Variants in EFCAB6 observed in about 807,000 individuals in gnomAD.
The protein encoded by EFCAB6 is EF-hand calcium-binding domain-containing protein 6.
Under a neutral mutation model 169.8 loss-of-function variants are expected in EFCAB6, and 156 were observed. That is an observed-to-expected ratio of 0.92 (90% confidence interval 0.81 to 1.05). EFCAB6 has a LOEUF of 1.05. Ranked by LOEUF, EFCAB6 falls within the 50% of genes least tolerant of loss-of-function variation. EFCAB6 has a pLI of 0.00. For synonymous variants in EFCAB6, 698 were observed against 676.4 expected (o/e 1.03, Z -0.50); for missense variants, 1,800 against 1,829.1 (o/e 0.98, Z 0.29).
chr22:43,683,357 G>A (rs117566004), intron 12 of EFCAB6, among the ~76,000 whole-genome samples: 286 of 152,234 alleles, frequency 1.9e-3, no homozygotes, highest in Non-Finnish European at 3.3e-3. Flanking sequence ...CCCCTGTTTT[G>A]GGCAATAAGT....
At chr22:43,716,720 G>A in intron 9 of EFCAB6, 128 bp downstream of exon 9, 1 of 1,131,684 alleles carries the variant, frequency 8.8e-7, no homozygotes, top group Non-Finnish European at 1.2e-6. Context: ...GGGGGTCTCA[G>A]TATTGGAGAA....
rs2057377821 is a variant in EFCAB6 at position 43,669,047 on chromosome 22, T to C, written c.1641-2A>G. The stretch of plus-strand genomic sequence containing the variant: ...ATGTCCTGAATCTTACTGCAGAGTC[T>C]GAATTTTAAAAAATAATTAAAACAC... On this transcript the variant is annotated splice_acceptor_variant, in intron 15 of 31. Transcript: ENST00000262726. LOFTEE classifies it high-confidence loss of function. 1.3e-6 allele frequency: 2 copies of C among 1,594,416 alleles called. No individual in the cohort carries two copies. Among genetic ancestry groups the C allele is most frequent in the Non-Finnish European group, 8.5e-7 (1 of 1,171,792 alleles).
intron 13 of EFCAB6, among the ~76,000 whole-genome samples, chr22:43,675,483 ATAT>A (rs1255386846): frequency 5.0e-5 from 7 of 141,344 alleles, no homozygotes; most frequent in African/African-American, 7.7e-5. Flanking sequence ...ATAATATGTA[ATAT>A]TATATAATAT....
chr22:43,799,329 C>CACA (rs1491415655), intron 2 of EFCAB6, among the ~76,000 whole-genome samples: 2 of 146,548 alleles, frequency 1.4e-5, no homozygotes, highest in Non-Finnish European at 3.0e-5. Flanking sequence ...GAATCTGTCT[C>CACA]CACACACACA....
At chr22:43,713,662 C>CCTT (rs2059235567) in intron 9 of EFCAB6, among the ~76,000 whole-genome samples, 1 of 152,172 alleles carries the variant, frequency 6.6e-6, no homozygotes, top group South Asian at 2.1e-4. Context: ...CATCTGTGGA[C>CCTT]CAGAAGCTAA....
chr22:43,528,787 T>C lies in EFCAB6; in HGVS notation c.*66A>G. The stretch of plus-strand genomic sequence containing the variant: ...GAAAATTCATGAAACCCCCAAATTA[T>C]AGGATTTTATTAGCCTTGAAACAGG... On this transcript the variant is annotated 3_prime_UTR_variant, in exon 32 of 32. Coordinates refer to ENST00000262726, the MANE Select transcript of EFCAB6 (RefSeq NM_022785.4). The C allele has an allele frequency of 6.7e-7, 1 of 1,484,256 alleles. No homozygotes were observed. The highest frequency in any genetic ancestry group is 1.4e-5 in the South Asian group (1 of 72,640). 91.9% of individuals were successfully genotyped at this position (1,484,256 alleles called of 1,614,324 possible).
intron 10 of EFCAB6, among the ~76,000 whole-genome samples, chr22:43,695,983 T>C (rs1304734262): frequency 1.3e-5 from 2 of 151,956 alleles, no homozygotes; most frequent in Non-Finnish European, 2.9e-5. Flanking sequence ...AAATTAAAAA[T>C]GTTTATATTT....
rs918562357 is a variant in EFCAB6 at position 43,540,609 on chromosome 22, C to T, written c.3649-252G>A. The T allele has an allele frequency of 1.0e-5, 14 of 1,386,208 alleles. No homozygotes were observed. In the African/African-American group the frequency reaches 1.5e-4, roughly 14 times the overall value. 85.9% of individuals were successfully genotyped at this position (1,386,208 alleles called of 1,614,324 possible). A position where few individuals can be genotyped will look rare whatever the true frequency, so the allele number is the denominator to read the frequency against. ...AGGACATTTTTTAATTGAATTGGGC[C>T]CTCAGTGAGCACTTTAAGGCCATTA... is the stretch of plus-strand genomic sequence containing the variant. On this transcript the variant is annotated intron_variant, in intron 27 of 31. Coordinates refer to ENST00000262726, the MANE Select transcript of EFCAB6 (RefSeq NM_022785.4).
At chr22:43,532,955 T>C (rs1252442903) in intron 30 of EFCAB6, among the ~76,000 whole-genome samples, 1 of 152,282 alleles carries the variant, frequency 6.6e-6, no homozygotes, top group Non-Finnish European at 1.5e-5. Flanking sequence ...TTGTACTTGT[T>C]ATTTAATTCA....
chr22:43,717,588 G>A (rs374614753), intron 8 of EFCAB6, among the ~76,000 whole-genome samples: 8 of 152,042 alleles, frequency 5.3e-5, no homozygotes, highest in African/African-American at 1.2e-4. Flanking sequence ...TAAATGTATG[G>A]ACTACTCAAG....
chr22:43,586,340 ATTTTTTTT>A (rs36058832), intron 24 of EFCAB6, among the ~76,000 whole-genome samples: 5 of 72,922 alleles, frequency 6.9e-5, no homozygotes, highest in South Asian at 4.2e-4. Flanking sequence ...GCAACAACTG[ATTTTTTTT>A]TTTTTTTTTT....
intron 5 of EFCAB6, among the ~76,000 whole-genome samples, chr22:43,762,145 G>C (rs1795038162): frequency 6.6e-6 from 1 of 152,196 alleles, no homozygotes. Context: ...AGACCCTCAT[G>C]CAAATCAACT....
chr22:43,661,091 T>C (rs182267192), intron 17 of EFCAB6, among the ~76,000 whole-genome samples: 44 of 152,202 alleles, frequency 2.9e-4, no homozygotes, highest in Non-Finnish European at 5.4e-4. Context: ...TATACAAGAG[T>C]CGGCTAGGCG....
At chr22:43,702,186 G>C (rs929331722) in intron 10 of EFCAB6, among the ~76,000 whole-genome samples, 1 of 152,204 alleles carries the variant, frequency 6.6e-6, no homozygotes, top group African/African-American at 2.4e-5. Flanking sequence ...TATGAAAGTA[G>C]AACACTCACA....
chr22:43,590,502 T>C (rs911014887), intron 23 of EFCAB6, among the ~76,000 whole-genome samples: 1 of 152,200 alleles, frequency 6.6e-6, no homozygotes, highest in Non-Finnish European at 1.5e-5. Flanking sequence ...ATCGGTACTT[T>C]AAAAACGGAA....
At chr22:43,769,404 A>G (rs1409466465) in intron 4 of EFCAB6, among the ~76,000 whole-genome samples, 3 of 152,192 alleles carry the variant, frequency 2.0e-5, no homozygotes, top group Non-Finnish European at 4.4e-5. Flanking sequence ...TTTCAATTAG[A>G]TAGTGGTGAT....
chr22:43,740,391 T>C (rs1270761257), intron 6 of EFCAB6, among the ~76,000 whole-genome samples: 1 of 152,088 alleles, frequency 6.6e-6, no homozygotes, highest in Non-Finnish European at 1.5e-5. Flanking sequence ...ATCTGTCTCC[T>C]CCTCACCTGC....
intron 23 of EFCAB6, among the ~76,000 whole-genome samples, chr22:43,591,607 T>G (rs1261422166): frequency 6.6e-6 from 1 of 152,124 alleles, no homozygotes; most frequent in Admixed American, 6.6e-5. Flanking sequence ...AGCCCTACTT[T>G]CTATAACAGG....
At chr22:43,631,813 T>C (rs1179290034) in intron 19 of EFCAB6, among the ~76,000 whole-genome samples, 1 of 151,990 alleles carries the variant, frequency 6.6e-6, no homozygotes, top group Admixed American at 6.5e-5. Flanking sequence ...CGTTTCAAAG[T>C]CACTGTACCA....
Sources: gnomAD v4.1 joint callset for allele counts (sites outside exome capture counted in the v4.1 genomes callset) on GRCh38, gnomAD v4.1.1 for gene constraint, MANE v1.5 for transcripts, NCBI Gene and HGNC (gene_info 2026-07-23, HGNC 2026-07-21) for gene names.